Variants in TBX18 observed in about 807,000 individuals in gnomAD.
The protein encoded by TBX18 is T-box transcription factor 18, also known as T-box transcription factor TBX18.
In TBX18, 21 loss-of-function variants were observed where a neutral mutation model predicts 55.0. The observed-to-expected ratio is 0.38, with a 90% CI of 0.27 to 0.55. The LOEUF (loss-of-function observed/expected upper bound fraction) is 0.55. Ranked by LOEUF, TBX18 falls within the 20% of genes least tolerant of loss-of-function variation. TBX18 has a pLI of 0.73. For synonymous variants in TBX18, 342 were observed against 326.1 expected, an observed-to-expected ratio of 1.05 and a Z score of -0.53; for missense variants, 840 against 799.6, an observed-to-expected ratio of 1.05 and a Z score of -0.61.
intron 1 of TBX18, 102 bp downstream of exon 1, chr6:84,763,788 G>T: frequency 7.0e-7 from 1 of 1,422,748 alleles, no homozygotes. Context: ...TGGCTGAGTG[G>T]CCTTGGCCAT....
In TBX18 at chr6:84,736,932, G is replaced by A; in HGVS notation, c.1577C>T (p.Pro526Leu). 6.2e-7 allele frequency: 1 copy of A among 1,610,746 alleles called. No homozygotes were observed. Among genetic ancestry groups the A allele is most frequent in the South Asian group, 1.1e-5 (1 of 90,626 alleles). The change falls in exon 8 of 8, where the codon CCC becomes CTC. Residue 526 changes from proline to leucine, a missense_variant. Physicochemically the swap from Pro to Leu is moderately conservative, Grantham distance 98 (BLOSUM62 -3). Coordinates refer to ENST00000369663, the MANE Select transcript of TBX18 (RefSeq NM_001080508.3). ...GSYNTFRLHS[P>L]CALYGYNFST... ...GAAGTTATATCCATATAGTGCACAGGGGCTGTGTAATCTAAAAGTATTATA... is the reference window on the plus strand; with the variant it reads ...GAAGTTATATCCATATAGTGCACAGAGGCTGTGTAATCTAAAAGTATTATA...
At chr6:84,739,125 T>TATAG (rs1329965111) in intron 6 of TBX18, among the ~76,000 whole-genome samples, 1 of 151,996 alleles carries the variant, frequency 6.6e-6, no homozygotes, top group African/African-American at 2.4e-5. Context: ...GCACAATCTC[T>TATAG]ACTACACCCA....
intron 7 of TBX18, among the ~76,000 whole-genome samples, chr6:84,737,734 G>A (rs1183626704): frequency 1.3e-5 from 2 of 152,178 alleles, no homozygotes; most frequent in African/African-American, 4.8e-5. Flanking sequence ...GCAGACTGAT[G>A]TTTGCAAACT....
intron 4 of TBX18, among the ~76,000 whole-genome samples, chr6:84,751,928 T>C (rs1327177979): frequency 2.0e-5 from 3 of 152,178 alleles, no homozygotes; most frequent in African/African-American, 4.8e-5. Flanking sequence ...GCTTATTTAA[T>C]AGAGCAAATA....
At chr6:84,744,384 T>C (rs920127080) in intron 5 of TBX18, 59 bp from the exon 6 acceptor site, 2 of 1,511,138 alleles carry the variant, frequency 1.3e-6, no homozygotes, top group African/African-American at 1.4e-5. Flanking sequence ...AGTTTTTACT[T>C]GGTTGCAAAA....
At chr6:84,754,749 A>T (rs1767441542) in intron 4 of TBX18, among the ~76,000 whole-genome samples, 1 of 152,228 alleles carries the variant, frequency 6.6e-6, no homozygotes, top group Admixed American at 6.5e-5. Context: ...TGAGATCAAC[A>T]TTTATATCAG....
chr6:84,744,311 C>T lies in TBX18; in HGVS notation c.954G>A (p.Lys318=). The change falls in exon 6 of 8, where the codon AAG becomes AAA. Residue 318 remains lysine, a synonymous_variant. Coordinates refer to ENST00000369663, the MANE Select transcript of TBX18 (RefSeq NM_001080508.3). The part of the protein sequence containing the change: ...AYQNQQITRL[K]IDRNPFAKGF... ...CTTTAGCAAATGGATTCCTATCTATCTTCAGGCGAGTAATCTGCAGAGTAG... is the reference window on the plus strand; with the variant it reads ...CTTTAGCAAATGGATTCCTATCTATTTTCAGGCGAGTAATCTGCAGAGTAG... 1 of 1,612,894 alleles carries T rather than the reference C, an allele frequency of 6.2e-7. No homozygotes were observed. Among genetic ancestry groups the T allele is most frequent in the Non-Finnish European group, 8.5e-7 (1 of 1,179,346 alleles).
In TBX18 at chr6:84,735,817, G is replaced by A. The variant is rs567873988; in HGVS notation, c.*868C>T. On this transcript the variant is annotated 3_prime_UTR_variant, in exon 8 of 8. Coordinates refer to ENST00000369663, the MANE Select transcript of TBX18 (RefSeq NM_001080508.3). ...ATAGACATTTCTCATTGGAATCAAT[G>A]AATTTGAGGTGGATTTATTTTCCTT... The A allele has an allele frequency of 2.6e-5, 4 of 152,238 alleles. No homozygotes were observed. The South Asian group carries it at 8.3e-4, about 32-fold the overall frequency. The allele number at this position is 152,238 out of a possible 1,614,324, so 9.4% of individuals were successfully genotyped here.
intron 4 of TBX18, among the ~76,000 whole-genome samples, chr6:84,752,843 T>C (rs1224016683): frequency 2.0e-5 from 3 of 152,178 alleles, no homozygotes; most frequent in South Asian, 2.1e-4. Context: ...TGTCTGGCCA[T>C]GCTTCCTTCC....
chr6:84,742,424 A>G (rs78956130), intron 6 of TBX18: 1 of 152,140 alleles, frequency 6.6e-6, no homozygotes, highest in African/African-American at 2.4e-5. Flanking sequence ...CACCACTGTC[A>G]TTTTCACTGA....
chr6:84,734,348 G>C lies in TBX18; in HGVS notation c.*2337C>G, dbSNP rs1773882581. 6.6e-6 allele frequency: 1 copy of C among 152,046 alleles called. No homozygotes were observed. The allele number at this position is 152,046 out of a possible 1,614,324, so 9.4% of individuals were successfully genotyped here. A position where few individuals can be genotyped will look rare whatever the true frequency, so the allele number is the denominator to read the frequency against. On this transcript the variant is annotated 3_prime_UTR_variant, in exon 8 of 8. Coordinates refer to ENST00000369663, the MANE Select transcript of TBX18 (RefSeq NM_001080508.3). ...ATTTCTTTCTGCCATGTATTTGAGA[G>C]GTACAGAATTTGCGTTTGGGGTGTG...
At chr6:84,763,126 C>T in intron 1 of TBX18, 1 of 391,904 alleles carries the variant, frequency 2.6e-6, no homozygotes, top group Non-Finnish European at 4.8e-6. Flanking sequence ...TCCAGAGTCC[C>T]CAGTGCAAAC....
chr6:84,763,483 A>T, intron 1 of TBX18: 1 of 474,036 alleles, frequency 2.1e-6, no homozygotes, highest in Non-Finnish European at 4.2e-6. Context: ...CAAACGGTTT[A>T]GGGCATTCGT....
chr6:84,737,176 C>A lies in TBX18; in HGVS notation c.1333G>T (p.Ala445Ser). 6.2e-7 allele frequency: 1 copy of A among 1,613,614 alleles called. No individual in the cohort carries two copies. The highest frequency in any genetic ancestry group is 8.5e-7 in the Non-Finnish European group (1 of 1,179,748). Residue 445 changes from alanine to serine, a missense_variant, in exon 8 of 8, where the codon GCT becomes TCT. Coordinates refer to ENST00000369663, the MANE Select transcript of TBX18 (RefSeq NM_001080508.3). ...CTGGGCGGGGCAAAGGTCTCACCAGCCTGGTTGGTGAGCCTGTTGTAGGTC... is the reference window on the plus strand; with the variant it reads ...CTGGGCGGGGCAAAGGTCTCACCAGACTGGTTGGTGAGCCTGTTGTAGGTC... ...AETYNRLTNQAGETFAPPRTP... is the reference protein window; with the variant it reads ...AETYNRLTNQSGETFAPPRTP...
Position 84,736,714 on chromosome 6 carries a change from A to T in TBX18, c.1795T>A (p.Ser599Thr). The change falls in exon 8 of 8, where the codon TCA (serine) becomes ACA (threonine). Residue 599 changes from serine (S) to threonine (T), a missense_variant. Coordinates refer to ENST00000369663, the MANE Select transcript of TBX18 (RefSeq NM_001080508.3). The stretch of plus-strand genomic sequence containing the variant: ...ACCATATGTGCAGATACTTGAGATG[A>T]TGACAGAGTTAAGCTTCCTAGGGTC... ...SRTLGSLTLS[S>T]SQVSAHMV 1 of 1,586,198 alleles carries T rather than the reference A, an allele frequency of 6.3e-7. No individual in the cohort carries two copies. Among genetic ancestry groups the T allele is most frequent in the South Asian group, 1.2e-5 (1 of 86,044 alleles).
chr6:84,742,865 G>C (rs1480910197), intron 6 of TBX18, among the ~76,000 whole-genome samples: 1 of 152,142 alleles, frequency 6.6e-6, no homozygotes, highest in East Asian at 1.9e-4. Context: ...AGGTAGAATA[G>C]GAGTCATCCC....
chr6:84,763,653 G>T (rs1767722700), intron 1 of TBX18, among the ~76,000 whole-genome samples: 1 of 152,146 alleles, frequency 6.6e-6, no homozygotes, highest in Non-Finnish European at 1.5e-5. Flanking sequence ...AGCCGCGGCC[G>T]AAGGCGCGGG....
At chr6:84,748,729 T>A (rs1247227712) in intron 4 of TBX18, among the ~76,000 whole-genome samples, 1 of 152,184 alleles carries the variant, frequency 6.6e-6, no homozygotes, top group East Asian at 1.9e-4. Flanking sequence ...GGAAATCTGA[T>A]AATATGGTTC....
intron 4 of TBX18, 96 bp from the exon 5 acceptor site, chr6:84,748,183 G>A: frequency 1.1e-6 from 1 of 928,850 alleles, no homozygotes. Flanking sequence ...ATTCTGATTG[G>A]AAATCATTTC....
Sources: gnomAD v4.1 joint callset for allele counts (sites outside exome capture counted in the v4.1 genomes callset) on GRCh38, gnomAD v4.1.1 for gene constraint, MANE v1.5 for transcripts, NCBI Gene and HGNC (gene_info 2026-07-23, HGNC 2026-07-21) for gene names.